The following INPP5D variants were observed in gnomAD, a reference collection of about 807,000 sequenced individuals.
The protein encoded by INPP5D is phosphatidylinositol 3,4,5-trisphosphate 5-phosphatase 1.
INPP5D carries 33 observed loss-of-function variants against 122.9 expected under a neutral mutation model. The ratio of observed to expected loss-of-function variants is 0.27; its 90% CI spans 0.20 to 0.36. INPP5D has a LOEUF of 0.36. INPP5D is among the 10% of genes least tolerant of loss of function. INPP5D has a pLI of 1.00. For missense variants in INPP5D, 1,053 were observed against 1,412.7 expected (o/e 0.75, Z 4.08); for synonymous variants, 584 against 576.2 (o/e 1.01, Z -0.19).
At position 233,204,400 on chromosome 2, in the gene INPP5D, C is replaced by T. The variant is rs754050020; in HGVS notation, c.3250C>T (p.Arg1084Cys). The change falls in exon 26 of 27, where the codon CGC becomes TGC. Residue 1084 changes from arginine to cysteine, a missense_variant. By Grantham distance (180) the Arg-to-Cys change is radical. Transcript: ENST00000445964. ...CAAGCAGGTGCCCGCGCCCCGGCTG[C>T]GCTCCTTCACGTGCTCATCCTCTGC... ...PGKQVPAPRL[R>C]SFTCSSSAEG... 8.1e-6 allele frequency: 13 copies of T among 1,610,132 alleles called. No homozygotes were observed. The highest frequency in any genetic ancestry group is 2.2e-5 in the East Asian group (1 of 44,814).
Position 233,193,928 on chromosome 2 carries a change from A to G in INPP5D, c.2563A>G (p.Thr855Ala), listed in dbSNP as rs759293173. The change falls in exon 23 of 27, where the codon ACC becomes GCC. Residue 855 changes from threonine (T) to alanine (A), a missense_variant. Physicochemically the swap from Thr to Ala is moderately conservative, Grantham distance 58. Transcript: ENST00000445964. ...GHFQGEIKLQ[T>A]SQGKTREKLY... ...CTTCCAGGGGGAGATCAAGCTGCAG[A>G]CCTCTCAGGGCAAGACGAGGGAGAA... 6.2e-7 allele frequency: 1 copy of G among 1,612,680 alleles called. No individual in the cohort carries two copies. The highest frequency in any genetic ancestry group is 1.7e-5 in the Admixed American group (1 of 59,958).
chr2:233,067,394 T>C (rs575570221), intron 1 of INPP5D, among the ~76,000 whole-genome samples: 1 of 152,364 alleles, frequency 6.6e-6, no homozygotes, highest in South Asian at 2.1e-4. Flanking sequence ...CAGGGCTGAC[T>C]AATGAGCCAC....
chr2:233,193,847 G>C lies in INPP5D; in HGVS notation c.2482G>C (p.Glu828Gln). Residue 828 changes from glutamate (E) to glutamine (Q), a missense_variant, in exon 23 of 27, where the codon GAA becomes CAA. Around this residue, in one of 6 missense-constraint regions of INPP5D, gnomAD observed 258 missense variants for 439.1 expected, o/e 0.59. Transcript: ENST00000445964. The part of the protein sequence containing the change: ...GCIALRLEAT[E>Q]TQLPIYTPLT... ...CATTGCCCTTCGGTTAGAGGCCACA[G>C]AAACGCAGCTGCCCATCTACACGCC... The C allele has an allele frequency of 6.2e-7, 1 of 1,613,840 alleles. No homozygotes were observed. Among genetic ancestry groups the C allele is most frequent in the East Asian group, 2.2e-5 (1 of 44,866 alleles).
At chr2:233,150,512 G>A (rs557403945) in intron 9 of INPP5D, among the ~76,000 whole-genome samples, 15 of 126,796 alleles carry the variant, frequency 1.2e-4, no homozygotes, top group African/African-American at 3.4e-4. Flanking sequence ...TAAGGAGAGA[G>A]GGGTGGCCCC....
chr2:233,090,133 C>A (rs1485961958), intron 2 of INPP5D, among the ~76,000 whole-genome samples: 2 of 152,336 alleles, frequency 1.3e-5, no homozygotes, highest in East Asian at 1.9e-4. Flanking sequence ...GATGCGTCGC[C>A]ATCCCCTGAA....
At chr2:233,084,779 G>A (rs1691788769) in intron 2 of INPP5D, among the ~76,000 whole-genome samples, 1 of 152,222 alleles carries the variant, frequency 6.6e-6, no homozygotes, top group South Asian at 2.1e-4. Context: ...AAAGGTTCAG[G>A]GCATAGAAGC....
At chr2:233,182,381 T>A in intron 18 of INPP5D, 29 bp from the exon 19 acceptor site, 2 of 1,612,612 alleles carry the variant, frequency 1.2e-6, no homozygotes, top group Non-Finnish European at 1.7e-6. Flanking sequence ...TCTCCTTCCC[T>A]GCTTAAAAAT....
chr2:233,194,278 C>T (rs116293005), intron 23 of INPP5D, among the ~76,000 whole-genome samples: 3,001 of 152,214 alleles, frequency 0.02, 104 homozygotes, highest in African/African-American at 0.068. Context: ...CCCAGTGTAC[C>T]AAGCGAACCT....
intron 2 of INPP5D, among the ~76,000 whole-genome samples, chr2:233,079,635 G>A (rs1691617461): frequency 6.6e-6 from 1 of 152,126 alleles, no homozygotes; most frequent in South Asian, 2.1e-4. Flanking sequence ...GTGGTCCATA[G>A]GTGTGAAGAG....
At position 233,122,000 on chromosome 2, in the gene INPP5D, C is replaced by T. The variant is rs369217057; in HGVS notation, c.199-107C>T. 4.5e-4 allele frequency: 577 copies of T among 1,287,326 alleles called. 10 individuals are homozygous for T. The South Asian group carries it at 6.8e-3, about 15-fold the overall frequency. The allele number at this position is 1,287,326 out of a possible 1,614,324, so 79.7% of individuals were successfully genotyped here. ...TAGGAGCCCAAGGCTTTTCCTGGAT[C>T]GCAGTCACTCCCTCCGCCTCGCTGG... On this transcript the variant is annotated intron_variant, in intron 2 of 26. Coordinates refer to ENST00000445964, the MANE Select transcript of INPP5D (RefSeq NM_001017915.3).
chr2:233,155,983 A>T (rs1694043162), intron 9 of INPP5D, among the ~76,000 whole-genome samples: 1 of 152,236 alleles, frequency 6.6e-6, no homozygotes, highest in African/African-American at 2.4e-5. Context: ...CCAGTGGATG[A>T]TCATATTCCC....
chr2:233,158,864 C>T (rs1694126740), intron 10 of INPP5D, among the ~76,000 whole-genome samples: 1 of 152,264 alleles, frequency 6.6e-6, no homozygotes, highest in African/African-American at 2.4e-5. Flanking sequence ...CGGCAGCCTC[C>T]ACCTCCTGGG....
At chr2:233,145,455 G>A (rs983086511) in intron 6 of INPP5D, among the ~76,000 whole-genome samples, 10 of 152,342 alleles carry the variant, frequency 6.6e-5, no homozygotes, top group Middle Eastern at 6.8e-3. Flanking sequence ...ACACATATTG[G>A]AAGGAGATGA....
intron 2 of INPP5D, among the ~76,000 whole-genome samples, chr2:233,111,090 T>C (rs541398876): frequency 7.2e-4 from 110 of 152,348 alleles, no homozygotes; most frequent in African/African-American, 2.3e-3. Context: ...ATTTCAGTCA[T>C]ATTACTATTA....
intron 2 of INPP5D, among the ~76,000 whole-genome samples, chr2:233,103,597 T>C (rs977603392): frequency 9.9e-5 from 15 of 152,118 alleles, no homozygotes; most frequent in Admixed American, 8.5e-4. Context: ...GTTCAAGTCC[T>C]GCCTCTGCCA....
chr2:233,184,847 C>T (rs1694869005), intron 20 of INPP5D, among the ~76,000 whole-genome samples: 1 of 152,156 alleles, frequency 6.6e-6, no homozygotes, highest in Non-Finnish European at 1.5e-5. Flanking sequence ...GGGGCTCTGA[C>T]TCAACCAGAG....
At chr2:233,173,573 T>C (rs953370772) in intron 17 of INPP5D, among the ~76,000 whole-genome samples, 1 of 152,180 alleles carries the variant, frequency 6.6e-6, no homozygotes, top group Non-Finnish European at 1.5e-5. Flanking sequence ...ATATTCTTAA[T>C]CTATAAGCTT....
Position 233,197,989 on chromosome 2 carries a change from G to C in INPP5D, c.2694-106G>C. Reference sequence around the variant, plus strand: ...GCCCAAGAGGTGAAGGAGTTGAGGAGAGCTCGAGAGAGCCCTAGGGTTATC... The same window carrying C: ...GCCCAAGAGGTGAAGGAGTTGAGGACAGCTCGAGAGAGCCCTAGGGTTATC... On this transcript the variant is annotated intron_variant, in intron 24 of 26. Coordinates refer to ENST00000445964, the MANE Select transcript of INPP5D (RefSeq NM_001017915.3). The surrounding 1 kb of genome is among the most constrained non-coding windows in gnomAD (Gnocchi z 4.4). 2 of 1,412,994 alleles carry C rather than the reference G, an allele frequency of 1.4e-6. No homozygotes were observed. Among genetic ancestry groups the C allele is most frequent in the Non-Finnish European group, 1.9e-6 (2 of 1,077,198 alleles). The allele number at this position is 1,412,994 out of a possible 1,614,324, so 87.5% of individuals were successfully genotyped here.
At chr2:233,083,896 T>A (rs1233345739) in intron 2 of INPP5D, among the ~76,000 whole-genome samples, 2 of 148,184 alleles carry the variant, frequency 1.3e-5, no homozygotes, top group Non-Finnish European at 3.0e-5. Context: ...CTAACATCCT[T>A]CCCACCGAGA....
Sources: allele counts gnomAD v4.1 joint callset (sites outside exome capture counted in the v4.1 genomes callset), GRCh38; gene constraint gnomAD v4.1.1; regional missense constraint gnomAD v4.1.1; non-coding constraint Gnocchi (gnomAD v3.1); transcripts MANE v1.5; gene names NCBI Gene and HGNC (gene_info 2026-07-23, HGNC 2026-07-21).